TMEM178B: variants seen among roughly 807,000 people sequenced by gnomAD.
The protein encoded by TMEM178B is transmembrane protein 178B.
A neutral mutation model predicts 31.0 loss-of-function variants in TMEM178B; 5 were observed. The observed-to-expected ratio is 0.16, with a 90% CI of 0.08 to 0.34. TMEM178B has a LOEUF of 0.34. Among genes scored for constraint, TMEM178B ranks in the 10% least tolerant of loss-of-function variants. The probability of loss-of-function intolerance (pLI) is 1.00; values close to 1 mark genes in which losing one functional copy is unlikely to be tolerated. For missense variants in TMEM178B, 275 were observed against 400.3 expected (o/e 0.69, Z 2.67); for synonymous variants, 164 against 164.0 (o/e 1.00, Z 0.00).
At chr7:141,397,201 C>T (rs1329218180) in intron 2 of TMEM178B, among the ~76,000 whole-genome samples, 3 of 152,190 alleles carry the variant, frequency 2.0e-5, no homozygotes, top group Non-Finnish European at 4.4e-5. Flanking sequence ...ACTGTTTCAT[C>T]CAGCTTCTTT....
chr7:141,322,390 G>A (rs964053476), intron 2 of TMEM178B, among the ~76,000 whole-genome samples: 9 of 151,360 alleles, frequency 5.9e-5, no homozygotes, highest in Non-Finnish European at 1.2e-4. Flanking sequence ...AATTAGCCGG[G>A]CATGGTGGCA....
chr7:141,363,246 A>G (rs934842777), intron 2 of TMEM178B, among the ~76,000 whole-genome samples: 1 of 152,240 alleles, frequency 6.6e-6, no homozygotes, highest in South Asian at 2.1e-4. Flanking sequence ...CTGGGTTAGT[A>G]AACAGTTAAG....
In TMEM178B at chr7:141,074,753, C is replaced by G; in HGVS notation, c.382+61C>G. ...GCCCGGCGCCTTTAGGCCCCGCAGC[C>G]CCTCGCGTCTCCTTCCCAGGCCACA... On this transcript the variant is annotated intron_variant, in intron 1 of 3. Coordinates refer to ENST00000565468, the MANE Select transcript of TMEM178B (RefSeq NM_001195278.2). This position sits in a 1 kb window ranked among gnomAD's most constrained non-coding sequence, Gnocchi z 5.1. 7.0e-7 allele frequency: 1 copy of G among 1,436,194 alleles called. No individual in the cohort carries two copies. The highest frequency in any genetic ancestry group is 9.1e-7 in the Non-Finnish European group (1 of 1,100,154). 89.0% of individuals were successfully genotyped at this position (1,436,194 alleles called of 1,614,324 possible).
At chr7:141,135,770 A>G (rs563492901) in intron 1 of TMEM178B, among the ~76,000 whole-genome samples, 2 of 152,250 alleles carry the variant, frequency 1.3e-5, no homozygotes, top group East Asian at 3.9e-4. Context: ...AAATGCCTAT[A>G]TCGAAAAAGT....
chr7:141,287,830 T>C (rs1409720385), intron 2 of TMEM178B, among the ~76,000 whole-genome samples: 5 of 152,242 alleles, frequency 3.3e-5, no homozygotes, highest in Non-Finnish European at 7.3e-5. Flanking sequence ...GCTTCACTTA[T>C]TTCTTTATGG....
At chr7:141,492,786 G>T in the TMEM178B span, among the ~76,000 whole-genome samples, 1 of 152,080 alleles carries the variant, frequency 6.6e-6, no homozygotes, top group South Asian at 2.1e-4. Flanking sequence ...CCCCATTCCT[G>T]ACTCCTCTCT....
In TMEM178B at chr7:141,361,313, C is replaced by G. The variant is rs368195336; in HGVS notation, c.497-76295C>G. 2.0e-4 allele frequency among the ~76,000 whole-genome samples: 30 copies of G among 152,066 alleles called. No individual in the cohort carries two copies. In the South Asian group the frequency reaches 6.2e-3, roughly 32 times the overall value. On this transcript the variant is annotated intron_variant, in intron 2 of 3. Transcript: ENST00000565468. The stretch of plus-strand genomic sequence containing the variant: ...GGGAAGCAGGAAGTAGACAAGCAAC[C>G]CAAATGGAGCACCAAGTAATTTGAA...
intron 2 of TMEM178B, among the ~76,000 whole-genome samples, chr7:141,242,982 C>A (rs553770256): frequency 6.6e-6 from 1 of 152,184 alleles, no homozygotes; most frequent in South Asian, 2.1e-4. Context: ...CCTTTTGCAT[C>A]TGATTTTCTT....
chr7:141,203,771 G>A (rs1335687319), intron 1 of TMEM178B, among the ~76,000 whole-genome samples: 1 of 152,214 alleles, frequency 6.6e-6, no homozygotes. Context: ...TCCTGAGGTT[G>A]TCATGGGGAC....
chr7:141,487,383 C>G, the TMEM178B span, among the ~76,000 whole-genome samples: 1 of 152,042 alleles, frequency 6.6e-6, no homozygotes, highest in Non-Finnish European at 1.5e-5. Flanking sequence ...CACGTGTTCT[C>G]CATCCGCGAC....
chr7:141,466,526 C>T (rs535760903), intron 3 of TMEM178B, among the ~76,000 whole-genome samples: 12 of 152,300 alleles, frequency 7.9e-5, no homozygotes, highest in African/African-American at 2.2e-4. Flanking sequence ...TTGAGGTTGA[C>T]GTCCTGTTTC....
chr7:141,074,428 A>G lies in TMEM178B; in HGVS notation c.118A>G (p.Arg40Gly), dbSNP rs1472736041. 2 of 1,536,130 alleles carry G rather than the reference A, an allele frequency of 1.3e-6. No individual in the cohort carries two copies. The highest frequency in any genetic ancestry group is 2.4e-5 in the South Asian group (2 of 84,068). ...GTACGAGACGGACGCCAGGAAGCACAGGGACAGGTGCAAGGCCTTCAACAC... is the reference window on the plus strand; with the variant it reads ...GTACGAGACGGACGCCAGGAAGCACGGGGACAGGTGCAAGGCCTTCAACAC... ...HWYETDARKH[R>G]DRCKAFNTRR... The change falls in exon 1 of 4, where the codon AGG becomes GGG. Residue 40 changes from arginine (R) to glycine (G), a missense_variant. Coordinates refer to ENST00000565468, the MANE Select transcript of TMEM178B (RefSeq NM_001195278.2). The surrounding 1 kb of genome is among the most constrained non-coding windows in gnomAD (Gnocchi z 5.1).
At chr7:141,261,615 G>A (rs1798013186) in intron 2 of TMEM178B, among the ~76,000 whole-genome samples, 1 of 152,146 alleles carries the variant, frequency 6.6e-6, no homozygotes, top group African/African-American at 2.4e-5. Context: ...GCTGTGAGTG[G>A]ACGTGATTAT....
At chr7:141,396,028 C>G (rs1303515673) in intron 2 of TMEM178B, among the ~76,000 whole-genome samples, 1 of 152,070 alleles carries the variant, frequency 6.6e-6, no homozygotes, top group East Asian at 1.9e-4. Context: ...CAAGGAGATA[C>G]GGGGATCCTC....
chr7:141,192,031 C>A lies in TMEM178B; in HGVS notation c.383-20560C>A, dbSNP rs549257984. ...GTGCAAGGTGTGCCTTCAATTTTAT[C>A]TTATTTTTCCCAGAGGGCTATCCAG... On this transcript the variant is annotated intron_variant, in intron 1 of 3. Coordinates refer to ENST00000565468, the MANE Select transcript of TMEM178B (RefSeq NM_001195278.2). 2.0e-5 allele frequency among the ~76,000 whole-genome samples: 3 copies of A among 152,262 alleles called. No homozygotes were observed. In the South Asian group the frequency reaches 6.2e-4, roughly 32 times the overall value.
At chr7:141,155,494 A>G (rs1796053783) in intron 1 of TMEM178B, among the ~76,000 whole-genome samples, 1 of 152,204 alleles carries the variant, frequency 6.6e-6, no homozygotes, top group African/African-American at 2.4e-5. Context: ...GCTGGCACAC[A>G]AAATGAAGCT....
At chr7:141,281,602 A>G (rs1438125272) in intron 2 of TMEM178B, among the ~76,000 whole-genome samples, 2 of 152,144 alleles carry the variant, frequency 1.3e-5, no homozygotes, top group Non-Finnish European at 2.9e-5. Context: ...GCACCCTGGT[A>G]ATGGGAGGGT....
the TMEM178B span, among the ~76,000 whole-genome samples, chr7:141,491,481 A>G: frequency 6.6e-6 from 1 of 152,180 alleles, no homozygotes; most frequent in Non-Finnish European, 1.5e-5. Context: ...TGTTAAAGAC[A>G]TATTTTTATT....
At chr7:141,278,515 G>A (rs1402399774) in intron 2 of TMEM178B, among the ~76,000 whole-genome samples, 17 of 143,434 alleles carry the variant, frequency 1.2e-4, no homozygotes, top group African/African-American at 2.4e-4. Flanking sequence ...CTCGGGAGGC[G>A]GAGGTTGTAG....
Sources: gnomAD v4.1 joint callset for allele counts (sites outside exome capture counted in the v4.1 genomes callset) on GRCh38, gnomAD v4.1.1 for gene constraint, Gnocchi (gnomAD v3.1) non-coding constraint, MANE v1.5 for transcripts, NCBI Gene and HGNC (gene_info 2026-07-23, HGNC 2026-07-21) for gene names.